The following MARCHF6 variants were observed in gnomAD, a reference collection of about 807,000 sequenced individuals.
MARCHF6 encodes membrane associated ring-CH-type finger 6, also known as E3 ubiquitin-protein ligase MARCHF6.
A neutral mutation model predicts 133.7 loss-of-function variants in MARCHF6; 31 were observed. The observed-to-expected ratio is 0.23, with a 90% CI of 0.17 to 0.31. The LOEUF (loss-of-function observed/expected upper bound fraction) is 0.31. Ranked by LOEUF, MARCHF6 falls within the 10% of genes least tolerant of loss-of-function variation. MARCHF6 has a pLI of 1.00. For missense variants in MARCHF6, 723 were observed against 1,121.6 expected (o/e 0.64, Z 5.08); for synonymous variants, 395 against 402.5 (o/e 0.98, Z 0.22).
rs147588130 is a variant in MARCHF6 at position 10,431,373 on chromosome 5, G to A, written c.2642+1345G>A. Among the ~76,000 whole-genome samples, 159 of 152,280 alleles carry A rather than the reference G, an allele frequency of 1.0e-3. 1 individual carries two copies. Among genetic ancestry groups the A allele is most frequent in the African/African-American group, 3.8e-3 (156 of 41,564 alleles). ...ACCTGCTTCTTTCTTTATGCTGGAT[G>A]CCTGCCTTTCTGCACCCTGCCCTTC... On this transcript the variant is annotated intron_variant, in intron 25 of 25. Coordinates refer to ENST00000274140, the MANE Select transcript of MARCHF6 (RefSeq NM_005885.4).
At chr5:10,377,109 A>G (rs1426604902) in intron 1 of MARCHF6, among the ~76,000 whole-genome samples, 1 of 152,142 alleles carries the variant, frequency 6.6e-6, no homozygotes, top group Non-Finnish European at 1.5e-5. Context: ...GGCAGAAGAC[A>G]GACAAATATG....
At chr5:10,374,173 T>C (rs1186509794) in intron 1 of MARCHF6, among the ~76,000 whole-genome samples, 1 of 152,176 alleles carries the variant, frequency 6.6e-6, no homozygotes, top group Non-Finnish European at 1.5e-5. Context: ...TGGAGGATAA[T>C]GATTAAAACA....
chr5:10,433,857 T>C lies in MARCHF6; in HGVS notation c.*173T>C. 1 of 603,950 alleles carries C rather than the reference T, an allele frequency of 1.7e-6. No individual in the cohort carries two copies. The highest frequency in any genetic ancestry group is 3.0e-6 in the Non-Finnish European group (1 of 335,894). 37.4% of individuals were successfully genotyped at this position (603,950 alleles called of 1,614,324 possible). On this transcript the variant is annotated 3_prime_UTR_variant, in exon 26 of 26. Coordinates refer to ENST00000274140, the MANE Select transcript of MARCHF6 (RefSeq NM_005885.4). ...GTAAGATTCTGCTGTTCTCCCTGGATCTTCTGACATTACTGCTGTCTGAGA... is the reference window on the plus strand; with the variant it reads ...GTAAGATTCTGCTGTTCTCCCTGGACCTTCTGACATTACTGCTGTCTGAGA...
intron 17 of MARCHF6, among the ~76,000 whole-genome samples, chr5:10,407,972 A>T (rs945398277): frequency 7.1e-6 from 1 of 140,654 alleles, no homozygotes; most frequent in Non-Finnish European, 1.6e-5. Flanking sequence ...CCCCAAAAAA[A>T]AAAGCCATCC....
At chr5:10,360,743 G>A (rs1335589494) in intron 1 of MARCHF6, among the ~76,000 whole-genome samples, 1 of 152,224 alleles carries the variant, frequency 6.6e-6, no homozygotes, top group Non-Finnish European at 1.5e-5. Context: ...TAGCTGGGTG[G>A]TGGTGGGAAA....
At chr5:10,391,987 C>G (rs1267097660) in intron 7 of MARCHF6, among the ~76,000 whole-genome samples, 2 of 141,410 alleles carry the variant, frequency 1.4e-5, no homozygotes, top group African/African-American at 5.3e-5. Flanking sequence ...GAGACTGAGT[C>G]TCGCTCTGTC....
chr5:10,386,740 A>G (rs1284960422), intron 4 of MARCHF6, among the ~76,000 whole-genome samples: 1 of 152,236 alleles, frequency 6.6e-6, no homozygotes, highest in African/African-American at 2.4e-5. Flanking sequence ...AGCTCATTCA[A>G]TAAAAAAAAG....
At chr5:10,411,728 G>C (rs1200758754) in intron 19 of MARCHF6, among the ~76,000 whole-genome samples, 191 bp downstream of exon 19, 1 of 152,122 alleles carries the variant, frequency 6.6e-6, no homozygotes, top group Non-Finnish European at 1.5e-5. Flanking sequence ...CAAAGAGTTG[G>C]GATTCCCTGG....
chr5:10,354,042 C>A, intron 1 of MARCHF6, 125 bp downstream of exon 1: 1 of 976,708 alleles, frequency 1.0e-6, no homozygotes, highest in Non-Finnish European at 1.4e-6. Context: ...GCCGTTTGTC[C>A]ACCCGCTGGG....
At chr5:10,427,380 G>C (rs539277021) in intron 24 of MARCHF6, among the ~76,000 whole-genome samples, 1 of 152,138 alleles carries the variant, frequency 6.6e-6, no homozygotes, top group South Asian at 2.1e-4. Context: ...TTTTTCATTG[G>C]TTCCTCTGTG....
intron 1 of MARCHF6, among the ~76,000 whole-genome samples, chr5:10,365,370 G>C (rs1049421448): frequency 7.2e-5 from 11 of 151,852 alleles, no homozygotes; most frequent in Non-Finnish European, 1.6e-4. Flanking sequence ...GCACGATCTT[G>C]GCTCACCGCA....
chr5:10,390,330 A>G lies in MARCHF6; in HGVS notation c.408-2A>G. 2 of 1,598,486 alleles carry G rather than the reference A, an allele frequency of 1.3e-6. No individual in the cohort carries two copies. Among genetic ancestry groups the G allele is most frequent in the Non-Finnish European group, 1.7e-6 (2 of 1,175,658 alleles). On this transcript the variant is annotated splice_acceptor_variant, in intron 5 of 25. Coordinates refer to ENST00000274140, the MANE Select transcript of MARCHF6 (RefSeq NM_005885.4). LOFTEE classifies it high-confidence loss of function. ...AATTATATGTACTTTTTTTTTTAAT[A>G]GGGAAAATTTGTTGGCAGATTGTTT...
chr5:10,433,314 C>T (rs771386749), intron 25 of MARCHF6, among the ~76,000 whole-genome samples: 1 of 152,214 alleles, frequency 6.6e-6, no homozygotes, highest in Non-Finnish European at 1.5e-5. Context: ...TCCCTCCTGG[C>T]CTCCACAGGT....
chr5:10,369,624 T>G (rs1736347971), intron 1 of MARCHF6, among the ~76,000 whole-genome samples: 1 of 65,546 alleles, frequency 1.5e-5, no homozygotes, highest in South Asian at 5.8e-4. Flanking sequence ...CCCTTGCAAA[T>G]ATCCTTTACC....
At chr5:10,372,993 G>C (rs1736556456) in intron 1 of MARCHF6, among the ~76,000 whole-genome samples, 1 of 152,002 alleles carries the variant, frequency 6.6e-6, no homozygotes, top group Admixed American at 6.5e-5. Context: ...CCAGGAGTTA[G>C]AGGTTACAGT....
chr5:10,364,313 A>G (rs1439644072), intron 1 of MARCHF6, among the ~76,000 whole-genome samples: 1 of 152,148 alleles, frequency 6.6e-6, no homozygotes, highest in Non-Finnish European at 1.5e-5. Context: ...GCCAAGGTTG[A>G]TGGGCAGTTA....
chr5:10,384,168 C>T (rs993222277), intron 4 of MARCHF6, among the ~76,000 whole-genome samples: 2 of 151,960 alleles, frequency 1.3e-5, no homozygotes, highest in Non-Finnish European at 2.9e-5. Context: ...AATTTAAAAG[C>T]CTGAATGTGA....
intron 8 of MARCHF6, 71 bp from the exon 9 acceptor site, chr5:10,394,682 G>C (rs1187043326): frequency 3.3e-6 from 4 of 1,208,472 alleles, no homozygotes; most frequent in East Asian, 2.4e-5. Flanking sequence ...GGAAAATGAG[G>C]CTTTTCATAA....
chr5:10,427,214 C>T (rs1052555361), intron 24 of MARCHF6, among the ~76,000 whole-genome samples: 12 of 152,222 alleles, frequency 7.9e-5, no homozygotes, highest in Non-Finnish European at 1.5e-4. Flanking sequence ...AGCCTTTGCT[C>T]CTGACTTTTG....
Sources: gnomAD v4.1 joint callset for allele counts (sites outside exome capture counted in the v4.1 genomes callset) on GRCh38, gnomAD v4.1.1 for gene constraint, MANE v1.5 for transcripts, NCBI Gene and HGNC (gene_info 2026-07-23, HGNC 2026-07-21) for gene names.